Variants in TOX observed in about 807,000 individuals in gnomAD.
The protein encoded by TOX is thymocyte selection-associated high mobility group box protein TOX.
TOX carries 11 observed loss-of-function variants against 53.7 expected under a neutral mutation model. The observed-to-expected ratio is 0.20, with a 90% CI of 0.13 to 0.34. TOX has a LOEUF of 0.34. Among genes scored for constraint, TOX ranks in the 10% least tolerant of loss-of-function variants. The pLI, the probability that TOX is intolerant of heterozygous loss-of-function variation, is 1.00. For synonymous variants in TOX, 225 were observed against 245.3 expected, an observed-to-expected ratio of 0.92 and a Z score of 0.77; for missense variants, 570 against 664.6, an observed-to-expected ratio of 0.86 and a Z score of 1.56.
chr8:58,806,986 T>G lies in TOX; in HGVS notation c.*761A>C, dbSNP rs1809988759. On this transcript the variant is annotated 3_prime_UTR_variant, in exon 9 of 9. Coordinates refer to ENST00000361421, the MANE Select transcript of TOX (RefSeq NM_014729.3). ...AGTTTTATACATAAAAGGACTTAAA[T>G]GACATTTACTAACCATTACACAAAA... 1 of 152,632 alleles carries G rather than the reference T, an allele frequency of 6.6e-6. No homozygotes were observed. Among genetic ancestry groups the G allele is most frequent in the African/African-American group, 2.4e-5 (1 of 41,454 alleles). 9.5% of individuals were successfully genotyped at this position (152,632 alleles called of 1,614,324 possible).
chr8:58,914,752 G>A (rs1167199689), intron 3 of TOX, among the ~76,000 whole-genome samples: 4 of 133,736 alleles, frequency 3.0e-5, no homozygotes, highest in East Asian at 4.2e-4. Context: ...CGTGAGCGAC[G>A]CAGAAGACGG....
At chr8:58,991,019 C>T (rs1379038340) in intron 1 of TOX, among the ~76,000 whole-genome samples, 1 of 152,174 alleles carries the variant, frequency 6.6e-6, no homozygotes, top group Non-Finnish European at 1.5e-5. Flanking sequence ...GTTAATTAAT[C>T]CTCGTAAGCC....
intron 5 of TOX, among the ~76,000 whole-genome samples, chr8:58,834,566 G>A (rs1810516880): frequency 1.3e-5 from 2 of 152,156 alleles, no homozygotes; most frequent in South Asian, 4.1e-4. Flanking sequence ...GAGAACAGGT[G>A]GTAATCTACT....
At chr8:58,826,713 A>G in intron 6 of TOX, 109 bp downstream of exon 6, 1 of 927,610 alleles carries the variant, frequency 1.1e-6, no homozygotes, top group Non-Finnish European at 1.5e-6. Flanking sequence ...TTTCCAACAA[A>G]GAAGATTGTG....
chr8:58,991,572 A>G (rs1813448458), intron 1 of TOX: 1 of 152,210 alleles, frequency 6.6e-6, no homozygotes, highest in Admixed American at 6.5e-5. Context: ...TAAAAAGTGT[A>G]TCTTCTCCAA....
At chr8:59,064,060 G>C (rs899306082) in intron 1 of TOX, among the ~76,000 whole-genome samples, 6 of 152,122 alleles carry the variant, frequency 3.9e-5, no homozygotes, top group African/African-American at 1.4e-4. Flanking sequence ...ATTCCACTGG[G>C]ATTATTGAAG....
At chr8:58,934,690 T>C (rs1456757627) in intron 3 of TOX, among the ~76,000 whole-genome samples, 1 of 152,206 alleles carries the variant, frequency 6.6e-6, no homozygotes, top group East Asian at 1.9e-4. Flanking sequence ...GATGTGAAGA[T>C]TCAGGATGAA....
rs191935488 is a variant in TOX, at chr8:58,841,242, G to C, written c.694-2931C>G. Among the ~76,000 whole-genome samples the C allele has an allele frequency of 3.3e-5, 5 of 152,200 alleles. No individual in the cohort carries two copies. In the South Asian group the frequency reaches 1.0e-3, roughly 32 times the overall value. The stretch of plus-strand genomic sequence containing the variant: ...CTCTGTATATTTCCATTCATAGCAC[G>C]TATCAAGCTTGTAATTACACAATAA... On this transcript the variant is annotated intron_variant, in intron 4 of 8. Transcript: ENST00000361421.
chr8:59,068,124 G>A, intron 1 of TOX, among the ~76,000 whole-genome samples: 1 of 152,186 alleles, frequency 6.6e-6, no homozygotes, highest in East Asian at 1.9e-4. Flanking sequence ...TTTAGAAGAT[G>A]CTAAAATTCT....
At chr8:58,895,440 T>C (rs1212649059) in intron 3 of TOX, among the ~76,000 whole-genome samples, 1 of 152,182 alleles carries the variant, frequency 6.6e-6, no homozygotes, top group African/African-American at 2.4e-5. Flanking sequence ...ATAACTATTG[T>C]ATTAAAAGGA....
Position 59,047,520 on chromosome 8 carries a change from G to A in TOX, c.102+71366C>T, listed in dbSNP as rs907421190. ...GGGACAGGCGTGAGCCACCGCGCCCGGCTGAATTGTTCTGCAAATAGAGCC... is the reference window on the plus strand; with the variant it reads ...GGGACAGGCGTGAGCCACCGCGCCCAGCTGAATTGTTCTGCAAATAGAGCC... On this transcript the variant is annotated intron_variant, in intron 1 of 8. Transcript: ENST00000361421. Among the ~76,000 whole-genome samples, 11 of 151,804 alleles carry A rather than the reference G, an allele frequency of 7.2e-5. 1 individual carries two copies. In the East Asian group the frequency reaches 2.1e-3, roughly 29 times the overall value.
intron 8 of TOX, 126 bp downstream of exon 8, chr8:58,807,992 C>A: frequency 7.3e-7 from 1 of 1,368,516 alleles, no homozygotes; most frequent in African/African-American, 1.5e-5. Context: ...TTTCTGGTGT[C>A]TTCTGCCTTC....
chr8:59,066,341 A>G (rs1351222464), intron 1 of TOX, among the ~76,000 whole-genome samples: 4 of 152,214 alleles, frequency 2.6e-5, no homozygotes, highest in Non-Finnish European at 5.9e-5. Flanking sequence ...ATCTTTCATT[A>G]GCTTCCTTCT....
intron 1 of TOX, among the ~76,000 whole-genome samples, chr8:58,999,138 A>C (rs912123453): frequency 6.6e-6 from 1 of 152,244 alleles, no homozygotes. Flanking sequence ...ACTTCTTCTT[A>C]GTAGCCAGAC....
chr8:58,808,082 C>T, intron 8 of TOX, 36 bp downstream of exon 8: 1 of 1,590,658 alleles, frequency 6.3e-7, no homozygotes, highest in Non-Finnish European at 8.6e-7. Flanking sequence ...GCTATGAGCG[C>T]TGTCCACCAC....
At chr8:59,041,710 A>G (rs188014181) in intron 1 of TOX, among the ~76,000 whole-genome samples, 1 of 152,184 alleles carries the variant, frequency 6.6e-6, no homozygotes, top group East Asian at 1.9e-4. Flanking sequence ...TATGGTAGGA[A>G]AACAATAGGC....
intron 1 of TOX, among the ~76,000 whole-genome samples, chr8:59,076,179 C>G (rs1804290027): frequency 6.6e-6 from 1 of 152,122 alleles, no homozygotes; most frequent in South Asian, 2.1e-4. Flanking sequence ...AATGATTTAG[C>G]TGGAGGAATT....
chr8:59,089,535 G>T (rs1285271433), intron 1 of TOX, among the ~76,000 whole-genome samples: 1 of 152,190 alleles, frequency 6.6e-6, no homozygotes, highest in African/African-American at 2.4e-5. Flanking sequence ...CTCCTTGGTA[G>T]CATGGAAGAG....
intron 1 of TOX, among the ~76,000 whole-genome samples, chr8:59,029,816 A>G (rs762231253): frequency 2.6e-5 from 4 of 152,170 alleles, no homozygotes; most frequent in African/African-American, 7.2e-5. Flanking sequence ...CTTCCAACCC[A>G]TTATATGAAA....
Sources: gnomAD v4.1 joint callset for allele counts (sites outside exome capture counted in the v4.1 genomes callset) on GRCh38, gnomAD v4.1.1 for gene constraint, MANE v1.5 for transcripts, NCBI Gene and HGNC (gene_info 2026-07-23, HGNC 2026-07-21) for gene names.